Variants in RNLS observed in about 807,000 individuals in gnomAD.
The protein encoded by RNLS is renalase, FAD dependent amine oxidase.
In RNLS, 39 loss-of-function variants were observed where a neutral mutation model predicts 39.8. The observed-to-expected ratio is 0.98, with a 90% CI of 0.76 to 1.28. RNLS has a LOEUF of 1.28. RNLS is among the 50% of genes most tolerant of loss of function. RNLS has a pLI of 0.00. For missense variants in RNLS, 410 were observed against 413.3 expected, an observed-to-expected ratio of 0.99 and a Z score of 0.07; for synonymous variants, 147 against 150.7, an observed-to-expected ratio of 0.98 and a Z score of 0.18.
At chr10:88,578,485 A>G (rs776069839) in intron 3 of RNLS, among the ~76,000 whole-genome samples, 4 of 152,132 alleles carry the variant, frequency 2.6e-5, no homozygotes, top group Non-Finnish European at 4.4e-5. Context: ...TTATAAAATT[A>G]AAAATATTAT....
intron 4 of RNLS, among the ~76,000 whole-genome samples, chr10:88,422,865 G>T (rs1295689877): frequency 2.6e-5 from 4 of 151,778 alleles, no homozygotes; most frequent in Admixed American, 2.6e-4. Context: ...CTGGACTCAA[G>T]CAATCCTCCC....
At chr10:88,514,630 C>A (rs1846312259) in intron 4 of RNLS, among the ~76,000 whole-genome samples, 1 of 152,064 alleles carries the variant, frequency 6.6e-6, no homozygotes, top group East Asian at 1.9e-4. Flanking sequence ...GCGTTTGACT[C>A]TTTTAGATAC....
At chr10:88,249,930 G>C in the RNLS span, among the ~76,000 whole-genome samples, 1 of 152,186 alleles carries the variant, frequency 6.6e-6, no homozygotes, top group African/African-American at 2.4e-5. Flanking sequence ...AATTTCTGGG[G>C]TCATGTTTTA....
chr10:88,339,402 G>A (rs1324436341), intron 5 of RNLS, among the ~76,000 whole-genome samples: 1 of 152,112 alleles, frequency 6.6e-6, no homozygotes, highest in East Asian at 1.9e-4. Context: ...AAGTGTTCCT[G>A]GGGTGTTTTT....
chr10:88,365,027 A>AC (rs1222124654), intron 4 of RNLS, among the ~76,000 whole-genome samples: 1 of 151,804 alleles, frequency 6.6e-6, no homozygotes, highest in Non-Finnish European at 1.5e-5. Context: ...TCCTCTCCCC[A>AC]CCCCCCTTTT....
intron 5 of RNLS, among the ~76,000 whole-genome samples, chr10:88,346,855 C>T (rs1848344290): frequency 6.6e-6 from 1 of 152,118 alleles, no homozygotes; most frequent in African/African-American, 2.4e-5. Context: ...ATGGAGAAAG[C>T]TTCTAATTTT....
chr10:88,470,166 G>GT (rs150593387), intron 4 of RNLS, among the ~76,000 whole-genome samples: 4,016 of 150,626 alleles, frequency 0.027, 87 homozygotes, highest in Non-Finnish European at 0.044. Flanking sequence ...TCCATTACAT[G>GT]TTTTTTTTTA....
At chr10:88,183,733 G>A in the RNLS span, among the ~76,000 whole-genome samples, 1 of 152,098 alleles carries the variant, frequency 6.6e-6, no homozygotes, top group Non-Finnish European at 1.5e-5. Context: ...TGCCTTTTCA[G>A]TAATATCTAA....
chr10:88,410,704 G>A (rs1212898463), intron 4 of RNLS, among the ~76,000 whole-genome samples: 1 of 105,670 alleles, frequency 9.5e-6, no homozygotes, highest in African/African-American at 3.7e-5. Context: ...TTGTGAACCT[G>A]AGCAAATTAC....
the RNLS span, among the ~76,000 whole-genome samples, chr10:88,222,471 T>A: frequency 6.6e-6 from 1 of 152,172 alleles, no homozygotes; most frequent in Non-Finnish European, 1.5e-5. Flanking sequence ...GACAAGTTAC[T>A]TTCTCTGCCT....
chr10:88,571,318 CAAAT>C (rs1463354969), intron 4 of RNLS, among the ~76,000 whole-genome samples: 1 of 151,948 alleles, frequency 6.6e-6, no homozygotes, highest in Non-Finnish European at 1.5e-5. Flanking sequence ...AAAAAAATAA[CAAAT>C]AAAGGGGAAA....
intron 4 of RNLS, among the ~76,000 whole-genome samples, chr10:88,457,081 C>T (rs910626006): frequency 6.6e-6 from 1 of 152,222 alleles, no homozygotes; most frequent in Non-Finnish European, 1.5e-5. Context: ...CCAGCTCTAG[C>T]TAAAATCCCT....
chr10:88,203,385 TAC>T, the RNLS span, among the ~76,000 whole-genome samples: 17 of 10,830 alleles, frequency 1.6e-3, 6 homozygotes, highest in African/African-American at 9.5e-3. Context: ...TATATATATA[TAC>T]ACGTATGTGT....
At chr10:88,518,789 C>T (rs747184236) in intron 4 of RNLS, among the ~76,000 whole-genome samples, 2 of 151,912 alleles carry the variant, frequency 1.3e-5, no homozygotes, top group Non-Finnish European at 1.5e-5. Flanking sequence ...ATAGATGTAT[C>T]GCTGCTGTTA....
chr10:88,530,630 A>G (rs1847367114), intron 4 of RNLS, among the ~76,000 whole-genome samples: 1 of 152,144 alleles, frequency 6.6e-6, no homozygotes, highest in African/African-American at 2.4e-5. Context: ...AGCTAATTAC[A>G]TTTACAAATA....
intron 5 of RNLS, among the ~76,000 whole-genome samples, chr10:88,345,311 A>T (rs888651182): frequency 2.0e-5 from 3 of 152,142 alleles, no homozygotes; most frequent in Non-Finnish European, 2.9e-5. Context: ...TTTACTTCAC[A>T]GTGCTTAGTC....
the RNLS span, among the ~76,000 whole-genome samples, chr10:88,252,026 G>A: frequency 6.6e-6 from 1 of 152,192 alleles, no homozygotes; most frequent in East Asian, 1.9e-4. Context: ...GTTCCAAGTA[G>A]CCATTCCTAC....
chr10:88,184,729 G>C, the RNLS span, among the ~76,000 whole-genome samples: 70 of 152,248 alleles, frequency 4.6e-4, no homozygotes, highest in South Asian at 2.3e-3. Context: ...TATTGTTTAT[G>C]AATGTCATAC....
At chr10:88,549,835 C>T (rs1224109574) in intron 4 of RNLS, among the ~76,000 whole-genome samples, 1 of 152,166 alleles carries the variant, frequency 6.6e-6, no homozygotes, top group Non-Finnish European at 1.5e-5. Context: ...TATATATTCA[C>T]AAATTGAAAT....
Sources: allele counts gnomAD v4.1 joint callset (sites outside exome capture counted in the v4.1 genomes callset), GRCh38; gene constraint gnomAD v4.1.1; transcripts MANE v1.5; gene names NCBI Gene and HGNC (gene_info 2026-07-23, HGNC 2026-07-21).